LSAMP: variants seen among roughly 807,000 people sequenced by gnomAD.
LSAMP encodes the protein limbic system associated membrane protein.
In LSAMP, 7 loss-of-function variants were observed where a neutral mutation model predicts 38.6. That is an observed-to-expected ratio of 0.18 (90% CI 0.10 to 0.34). The LOEUF (loss-of-function observed/expected upper bound fraction) is 0.34, where lower values mean the gene tolerates loss of function less well. Ranked by LOEUF, LSAMP falls within the 10% of genes least tolerant of loss-of-function variation. LSAMP has a pLI of 1.00. For missense variants in LSAMP, 313 were observed against 420.0 expected, an observed-to-expected ratio of 0.75 and a Z score of 2.23; for synonymous variants, 154 against 166.8, an observed-to-expected ratio of 0.92 and a Z score of 0.59.
intron 6 of LSAMP, among the ~76,000 whole-genome samples, chr3:115,818,131 C>A (rs1329725286): frequency 6.6e-6 from 1 of 152,124 alleles, no homozygotes; most frequent in African/African-American, 2.4e-5. Context: ...CCACAATACC[C>A]CTTTGGCAGT....
At chr3:116,327,554 C>T (rs182190771) in intron 1 of LSAMP, among the ~76,000 whole-genome samples, 121 of 152,058 alleles carry the variant, frequency 8.0e-4, no homozygotes, top group Admixed American at 2.1e-3. Flanking sequence ...AACAATAATC[C>T]GTTTGGTTCT....
intron 1 of LSAMP, among the ~76,000 whole-genome samples, chr3:116,217,848 G>C (rs928067284): frequency 6.6e-6 from 1 of 152,182 alleles, no homozygotes; most frequent in Admixed American, 6.5e-5. Flanking sequence ...GAGGTAGGAG[G>C]TGTAGAGGGG....
chr3:115,906,991 T>C (rs1022601194), intron 3 of LSAMP, among the ~76,000 whole-genome samples: 1 of 152,184 alleles, frequency 6.6e-6, no homozygotes, highest in African/African-American at 2.4e-5. Flanking sequence ...ATGTTAGTCC[T>C]ATACTAGAAT....
intron 1 of LSAMP, among the ~76,000 whole-genome samples, chr3:116,228,521 T>C (rs1019992895): frequency 6.6e-6 from 1 of 152,064 alleles, no homozygotes; most frequent in Non-Finnish European, 1.5e-5. Context: ...ATACCTGATA[T>C]GATGATTAAA....
At chr3:116,409,709 CTTAT>C (rs2048946075) in intron 1 of LSAMP, among the ~76,000 whole-genome samples, 2 of 152,144 alleles carry the variant, frequency 1.3e-5, no homozygotes, top group Non-Finnish European at 2.9e-5. Context: ...AAGAGCTGTG[CTTAT>C]TTAGTTAATA....
At chr3:116,029,075 A>C (rs570208422) in intron 2 of LSAMP, among the ~76,000 whole-genome samples, 10 of 152,262 alleles carry the variant, frequency 6.6e-5, no homozygotes, top group African/African-American at 2.4e-4. Flanking sequence ...TAAAATTGTC[A>C]CAATTTTACA....
intron 3 of LSAMP, among the ~76,000 whole-genome samples, chr3:115,916,223 CTTAA>C (rs1329704769): frequency 6.6e-6 from 1 of 152,088 alleles, no homozygotes; most frequent in African/African-American, 2.4e-5. Context: ...AAGCCTGCTG[CTTAA>C]TCAGCTGGGG....
At chr3:116,262,146 C>CT (rs1018747839) in intron 1 of LSAMP, among the ~76,000 whole-genome samples, 2 of 152,016 alleles carry the variant, frequency 1.3e-5, no homozygotes, top group African/African-American at 4.8e-5. Context: ...ATTTTAGGAC[C>CT]TTTTTACCTA....
At chr3:116,246,658 C>T (rs755381735) in intron 1 of LSAMP, among the ~76,000 whole-genome samples, 1 of 152,186 alleles carries the variant, frequency 6.6e-6, no homozygotes, top group Non-Finnish European at 1.5e-5. Flanking sequence ...GCACATCATT[C>T]TCTTAGCTCC....
intron 6 of LSAMP, among the ~76,000 whole-genome samples, chr3:115,835,584 C>G (rs1025273821): frequency 6.6e-6 from 1 of 152,046 alleles, no homozygotes; most frequent in Non-Finnish European, 1.5e-5. Flanking sequence ...AAATAAAGAC[C>G]AATGAGAAAT....
chr3:115,816,849 C>A (rs1210925268), intron 6 of LSAMP, among the ~76,000 whole-genome samples: 1 of 152,040 alleles, frequency 6.6e-6, no homozygotes, highest in Non-Finnish European at 1.5e-5. Context: ...AAATGATGTG[C>A]AGTTGGAGGT....
At chr3:116,111,961 G>A (rs1045081705) in intron 1 of LSAMP, among the ~76,000 whole-genome samples, 1 of 152,194 alleles carries the variant, frequency 6.6e-6, no homozygotes, top group Non-Finnish European at 1.5e-5. Flanking sequence ...CAGAGGCAAA[G>A]GTAGGGAGAC....
chr3:115,811,853 A>G (rs1331809839), intron 6 of LSAMP, among the ~76,000 whole-genome samples: 1 of 152,228 alleles, frequency 6.6e-6, no homozygotes, highest in African/African-American at 2.4e-5. Context: ...GGTAGATACT[A>G]TGATGAAACC....
At chr3:116,370,787 G>A (rs1453135802) in intron 1 of LSAMP, among the ~76,000 whole-genome samples, 1 of 152,094 alleles carries the variant, frequency 6.6e-6, no homozygotes, top group Non-Finnish European at 1.5e-5. Context: ...AACAAAACCA[G>A]AAGTTGGTTC....
At chr3:116,096,328 A>T (rs1350145039) in intron 1 of LSAMP, among the ~76,000 whole-genome samples, 1 of 152,136 alleles carries the variant, frequency 6.6e-6, no homozygotes, top group Non-Finnish European at 1.5e-5. Flanking sequence ...TATGTAGAAA[A>T]CCCATTTTTG....
intron 3 of LSAMP, among the ~76,000 whole-genome samples, chr3:115,909,371 T>C (rs1937085041): frequency 6.6e-6 from 1 of 152,234 alleles, no homozygotes; most frequent in African/African-American, 2.4e-5. Context: ...TGTCTTGAGA[T>C]ATGAGTATAA....
At chr3:116,398,081 T>A (rs1488479856) in intron 1 of LSAMP, among the ~76,000 whole-genome samples, 1 of 152,082 alleles carries the variant, frequency 6.6e-6, no homozygotes. Flanking sequence ...TTGGTAAATG[T>A]GATAATTTCT....
At chr3:115,915,110 T>A (rs950554063) in intron 3 of LSAMP, among the ~76,000 whole-genome samples, 1 of 152,224 alleles carries the variant, frequency 6.6e-6, no homozygotes, top group African/African-American at 2.4e-5. Flanking sequence ...CTTGCTGTTA[T>A]GTAAGTTAAA....
chr3:116,409,311 G>A (rs1472751011), intron 1 of LSAMP, among the ~76,000 whole-genome samples: 1 of 151,978 alleles, frequency 6.6e-6, no homozygotes, highest in Non-Finnish European at 1.5e-5. Flanking sequence ...CCTCTTTACT[G>A]CTGAGGGACA....
Sources: gnomAD v4.1 joint callset for allele counts (sites outside exome capture counted in the v4.1 genomes callset) on GRCh38, gnomAD v4.1.1 for gene constraint, MANE v1.5 for transcripts, NCBI Gene and HGNC (gene_info 2026-07-23, HGNC 2026-07-21) for gene names.